The following TMIGD3 variants were observed in gnomAD, a reference collection of about 807,000 sequenced individuals.
TMIGD3 encodes AD026 protein (AD026).
A neutral mutation model predicts 28.1 loss-of-function variants in TMIGD3; 21 were observed. The ratio of observed to expected loss-of-function variants is 0.75; its 90% CI spans 0.53 to 1.08. The LOEUF is 1.08. Ranked by LOEUF, TMIGD3 falls within the 50% of genes least tolerant of loss-of-function variation. The pLI is 0.00. For synonymous variants in TMIGD3, 151 were observed against 162.1 expected (o/e 0.93, Z 0.52); for missense variants, 416 against 435.6 (o/e 0.96, Z 0.40).
At chr1:111,559,670 T>A (rs549670194) in intron 1 of TMIGD3, among the ~76,000 whole-genome samples, 2 of 152,322 alleles carry the variant, frequency 1.3e-5, no homozygotes, top group Admixed American at 1.3e-4. Flanking sequence ...ATTATTATTA[T>A]TAATATTTAA....
At chr1:111,499,183 C>A (rs1655033965) in intron 1 of TMIGD3, among the ~76,000 whole-genome samples, 1 of 152,120 alleles carries the variant, frequency 6.6e-6, no homozygotes. Context: ...CCTACCCCCA[C>A]TACTCCTATG....
intron 2 of TMIGD3, among the ~76,000 whole-genome samples, chr1:111,489,882 T>G (rs1654574726): frequency 1.3e-5 from 2 of 152,104 alleles, no homozygotes; most frequent in Admixed American, 1.3e-4. Flanking sequence ...ACGCACACCA[T>G]GTCCAGCTTG....
intron 1 of TMIGD3, among the ~76,000 whole-genome samples, chr1:111,526,846 ACCAACCT>A (rs1656282114): frequency 6.6e-6 from 1 of 152,022 alleles, no homozygotes; most frequent in African/African-American, 2.4e-5. Flanking sequence ...CTCCCTGCCC[ACCAACCT>A]CTGGAAGCCA....
Position 111,503,010 on chromosome 1 carries a change from G to T in TMIGD3, c.345C>A (p.Thr115=). 2.5e-6 allele frequency: 4 copies of T among 1,613,580 alleles called. No homozygotes were observed. The highest frequency in any genetic ancestry group is 3.4e-6 in the Non-Finnish European group (4 of 1,179,594). The change falls in exon 1 of 6, where the codon ACC becomes ACA. Residue 115 remains threonine (T), a synonymous_variant. Coordinates refer to ENST00000369716, the MANE Select transcript of TMIGD3 (RefSeq NM_020683.7). ...CACCCCACGCCGCAGGCTACCTGAC[G>T]GTAAGCTTGACCCGCAAGTATCGGT... The part of the protein sequence containing the change: ...AVDRYLRVKL[T]VRFRIPGLPG...
In TMIGD3 at chr1:111,499,727, G is replaced by A; in HGVS notation, c.350+3278C>T. 3.6e-6 allele frequency: 5 copies of A among 1,373,064 alleles called. 1 individual carries two copies. The South Asian group carries it at 8.2e-5, about 22-fold the overall frequency. 85.1% of individuals were successfully genotyped at this position (1,373,064 alleles called of 1,614,324 possible). On this transcript the variant is annotated intron_variant, in intron 1 of 5. Coordinates refer to ENST00000369716, the MANE Select transcript of TMIGD3 (RefSeq NM_020683.7). ...CAATAATACGTTGTCCCCAAGTCAG[G>A]CCTCCAAAACACTGAATTAGAGAGA...
chr1:111,506,932 C>A (rs561365272), upstream of TMIGD3, among the ~76,000 whole-genome samples: 269 of 129,948 alleles, frequency 2.1e-3, 1 homozygote, highest in Non-Finnish European at 3.4e-3. Flanking sequence ...TATATACACA[C>A]ACACACATAT....
In TMIGD3 at chr1:111,561,610, T is replaced by C. The variant is rs569180167; in HGVS notation, c.107+2236A>G. Among the ~76,000 whole-genome samples the C allele has an allele frequency of 4.5e-4, 69 of 152,266 alleles. 1 individual carries two copies. The highest frequency in any genetic ancestry group is 1.6e-3 in the African/African-American group (67 of 41,552). On this transcript the variant is annotated intron_variant, in intron 1 of 5. Coordinates refer to the TMIGD3 transcript ENST00000369717. ...GTCAGGTCAAACACAGAGCAGAAGG[T>C]CACAGAATTTTATTCAATCATAGGC...
intron 1 of TMIGD3, among the ~76,000 whole-genome samples, chr1:111,527,163 A>G (rs1408262051): frequency 6.6e-6 from 1 of 151,828 alleles, no homozygotes; most frequent in Admixed American, 6.6e-5. Flanking sequence ...GGTGCATGCC[A>G]CCACACCCAG....
chr1:111,491,309 G>T (rs1289378154), intron 1 of TMIGD3, among the ~76,000 whole-genome samples: 1 of 152,276 alleles, frequency 6.6e-6, no homozygotes, highest in African/African-American at 2.4e-5. Context: ...CGCAGTTTGG[G>T]CTGCGGTCTT....
intron 1 of TMIGD3, among the ~76,000 whole-genome samples, chr1:111,523,497 T>G (rs569344992): frequency 6.6e-5 from 10 of 152,242 alleles, no homozygotes; most frequent in South Asian, 4.1e-4. Flanking sequence ...GGAAACTGAA[T>G]AGGTTGTCAC....
chr1:111,512,295 GC>G (rs1393925787), intron 1 of TMIGD3, among the ~76,000 whole-genome samples: 3 of 152,220 alleles, frequency 2.0e-5, no homozygotes, highest in Non-Finnish European at 4.4e-5. Context: ...GTGAGACACA[GC>G]CACCTGTGCG....
At chr1:111,510,545 C>T (rs777601744) in intron 1 of TMIGD3, among the ~76,000 whole-genome samples, 52 of 152,040 alleles carry the variant, frequency 3.4e-4, no homozygotes, top group Non-Finnish European at 7.2e-4. Context: ...TGTGTGTGAG[C>T]AGCCAGGAGT....
In TMIGD3 at chr1:111,485,563, C is replaced by T. The variant is rs1485946011; in HGVS notation, c.973+177G>A. The T allele has an allele frequency of 5.0e-5, 27 of 541,446 alleles. No individual in the cohort carries two copies. The South Asian group carries it at 5.7e-4, about 11-fold the overall frequency. 33.5% of individuals were successfully genotyped at this position (541,446 alleles called of 1,614,324 possible). A position where few individuals can be genotyped will look rare whatever the true frequency, so the allele number is the denominator to read the frequency against. The stretch of plus-strand genomic sequence containing the variant: ...CTCCAGTGCTCCCTCTGTCACTTCT[C>T]GTGATGCCTTGTCACCATCAAGCAG... On this transcript the variant is annotated intron_variant, in intron 5 of 5. Transcript: ENST00000369716.
chr1:111,546,840 T>C (rs1329982005), intron 1 of TMIGD3, among the ~76,000 whole-genome samples: 1 of 152,182 alleles, frequency 6.6e-6, no homozygotes, highest in African/African-American at 2.4e-5. Context: ...TTTTGAGGAA[T>C]TGTCATATTG....
upstream of TMIGD3, among the ~76,000 whole-genome samples, chr1:111,508,044 G>A (rs961661530): frequency 2.0e-5 from 3 of 152,240 alleles, no homozygotes; most frequent in Non-Finnish European, 4.4e-5. Flanking sequence ...GCTGTAGTCT[G>A]AGCACAAGGA....
intron 1 of TMIGD3, among the ~76,000 whole-genome samples, chr1:111,532,802 A>G (rs917683992): frequency 3.3e-5 from 5 of 152,164 alleles, no homozygotes; most frequent in African/African-American, 1.2e-4. Context: ...AGGCAATGGC[A>G]CACTCCTTCT....
rs576829924 is a variant in TMIGD3, at chr1:111,522,577, C to T, written c.108-31815G>A. 8.7e-5 allele frequency among the ~76,000 whole-genome samples: 13 copies of T among 149,198 alleles called. No homozygotes were observed. In the East Asian group the frequency reaches 1.8e-3, roughly 20 times the overall value. On this transcript the variant is annotated intron_variant, in intron 1 of 5. Transcript: ENST00000369717. Reference sequence around the variant, plus strand: ...TGTCACCCAGGCTGAAGTGCAGTGGCGTGATCTCAGCTCACTGCAACCTCC... The same window carrying T: ...TGTCACCCAGGCTGAAGTGCAGTGGTGTGATCTCAGCTCACTGCAACCTCC...
intron 1 of TMIGD3, among the ~76,000 whole-genome samples, chr1:111,508,963 C>T (rs765960868): frequency 6.6e-5 from 10 of 152,192 alleles, no homozygotes; most frequent in Non-Finnish European, 1.0e-4. Flanking sequence ...GGCGTGGTGG[C>T]GGGCGCCTGT....
chr1:111,536,187 C>T (rs978738580), intron 1 of TMIGD3, among the ~76,000 whole-genome samples: 5 of 151,596 alleles, frequency 3.3e-5, no homozygotes, highest in Admixed American at 1.3e-4. Context: ...CTGCTCACAT[C>T]GGAGGGAAGA....
Sources: allele counts gnomAD v4.1 joint callset (sites outside exome capture counted in the v4.1 genomes callset), GRCh38; gene constraint gnomAD v4.1.1; transcripts MANE v1.5; gene names NCBI Gene and HGNC (gene_info 2026-07-23, HGNC 2026-07-21).